TRAPPC10: variants seen among roughly 807,000 people sequenced by gnomAD.
TRAPPC10 encodes the protein trafficking protein particle complex subunit 10.
A neutral mutation model predicts 125.5 loss-of-function variants in TRAPPC10; 23 were observed. The observed-to-expected ratio is 0.18, with a 90% confidence interval of 0.13 to 0.26. The LOEUF is 0.26. TRAPPC10 is among the 10% of genes least tolerant of loss of function. The probability of loss-of-function intolerance (pLI) is 1.00; values close to 1 mark genes in which losing one functional copy is unlikely to be tolerated. For missense variants in TRAPPC10, 1,123 were observed against 1,308.4 expected, an observed-to-expected ratio of 0.86 and a Z score of 2.19; for synonymous variants, 509 against 518.0, an observed-to-expected ratio of 0.98 and a Z score of 0.24.
chr21:44,048,035 G>T (rs1008884854), intron 3 of TRAPPC10, among the ~76,000 whole-genome samples: 17 of 152,166 alleles, frequency 1.1e-4, no homozygotes, highest in Non-Finnish European at 2.1e-4. Flanking sequence ...AGTTCCTCTG[G>T]TTTTCCAGAC....
Position 44,077,800 on chromosome 21 carries a change from CT to C in TRAPPC10, c.1469+20del, listed in dbSNP as rs1405777464. ...AGTTTTACATGTAATTGATTTTGTA[CT>C]TTTCTTTGAATTCTAAACATACAAA... On this transcript the variant is annotated intron_variant, in intron 11 of 22. Coordinates refer to ENST00000291574, the MANE Select transcript of TRAPPC10 (RefSeq NM_003274.5). 6.3e-6 allele frequency: 10 copies of C among 1,578,198 alleles called. No homozygotes were observed. In the South Asian group the frequency reaches 1.1e-4, roughly 18 times the overall value.
At chr21:44,020,186 T>C (rs1326669907) in intron 1 of TRAPPC10, among the ~76,000 whole-genome samples, 1 of 151,648 alleles carries the variant, frequency 6.6e-6, no homozygotes, top group African/African-American at 2.4e-5. Context: ...AGTGGCGTGA[T>C]CTCGGCTTAC....
chr21:44,060,756 A>T (rs1024830008), intron 6 of TRAPPC10, among the ~76,000 whole-genome samples: 9 of 151,304 alleles, frequency 5.9e-5, no homozygotes, highest in African/African-American at 2.2e-4. Context: ...GCATGCCACC[A>T]TACCTGGCTA....
chr21:44,072,596 T>C (rs1247363858), intron 7 of TRAPPC10, among the ~76,000 whole-genome samples: 2 of 152,216 alleles, frequency 1.3e-5, no homozygotes, highest in African/African-American at 4.8e-5. Context: ...CTCGAGTAGC[T>C]GGGATTACAG....
chr21:44,074,998 CT>C lies in TRAPPC10; in HGVS notation c.1186-39del, dbSNP rs747569894. The C allele has an allele frequency of 5.7e-6, 8 of 1,408,236 alleles. No homozygotes were observed. The East Asian group carries it at 1.6e-4, about 28-fold the overall frequency. The allele number at this position is 1,408,236 out of a possible 1,614,324, so 87.2% of individuals were successfully genotyped here. A position where few individuals can be genotyped will look rare whatever the true frequency, so the allele number is the denominator to read the frequency against. On this transcript the variant is annotated intron_variant, in intron 8 of 22. Coordinates refer to ENST00000291574, the MANE Select transcript of TRAPPC10 (RefSeq NM_003274.5). ...TAAATTCTTGAATTCCCTGCTGACT[CT>C]TACGGCAAATTAATTGAAATTGTGG...
chr21:44,050,743 T>G (rs1887368029), intron 3 of TRAPPC10, among the ~76,000 whole-genome samples: 1 of 152,226 alleles, frequency 6.6e-6, no homozygotes, highest in African/African-American at 2.4e-5. Flanking sequence ...GGTTTTAATC[T>G]CAGTTTTCAA....
intron 8 of TRAPPC10, 114 bp downstream of exon 8, chr21:44,074,584 C>T: frequency 7.2e-7 from 1 of 1,386,018 alleles, no homozygotes; most frequent in Non-Finnish European, 9.9e-7. Context: ...CACGATGCAT[C>T]CACTTTAGTG....
intron 13 of TRAPPC10, 50 bp downstream of exon 13, chr21:44,080,177 A>T: frequency 6.7e-7 from 1 of 1,493,042 alleles, no homozygotes; most frequent in South Asian, 1.2e-5. Context: ...AATATTACAG[A>T]AGTAAAAAAG....
intron 2 of TRAPPC10, among the ~76,000 whole-genome samples, chr21:44,037,498 G>A (rs1368795927): frequency 1.3e-5 from 2 of 152,092 alleles, no homozygotes; most frequent in African/African-American, 2.4e-5. Flanking sequence ...GAAACCCACC[G>A]TCGAGTCTGT....
intron 7 of TRAPPC10, among the ~76,000 whole-genome samples, chr21:44,066,779 T>A (rs2036484997): frequency 6.6e-6 from 1 of 152,234 alleles, no homozygotes; most frequent in Admixed American, 6.5e-5. Context: ...CATCTTTGTG[T>A]GTAAATTCAT....
At position 44,082,943 on chromosome 21, in the gene TRAPPC10, G is replaced by A; in HGVS notation, c.1879G>A (p.Val627Ile). 6.2e-7 allele frequency: 1 copy of A among 1,614,088 alleles called. No individual in the cohort carries two copies. Among genetic ancestry groups the A allele is most frequent in the African/African-American group, 1.3e-5 (1 of 74,996 alleles). ...GCCTGTTCACGTGGAGCAGATTGTG[G>A]TCAATGTCCACTTCAGCATTGAGAA... Reference protein sequence around the residue: ...PVPVHVEQIVVNVHFSIEKNS... With the variant: ...PVPVHVEQIVINVHFSIEKNS... The change falls in exon 14 of 23, where the codon GTC becomes ATC. Residue 627 changes from valine (V) to isoleucine (I), a missense_variant. Physicochemically the swap from Val to Ile is conservative, Grantham distance 29. Transcript: ENST00000291574. The surrounding 1 kb of genome is among the most constrained non-coding windows in gnomAD (Gnocchi z 4.4).
Position 44,082,836 on chromosome 21 carries a change from T to C in TRAPPC10, c.1772T>C (p.Leu591Pro). ...CATTCCTTTGCACAACTGCGAGATC[T>C]CCATTTTGATCCCTCCAATGCCGTG... ...PMHSFAQLRD[L>P]HFDPSNAVVH... The change falls in exon 14 of 23, where the codon CTC becomes CCC. Residue 591 changes from leucine (L) to proline (P), a missense_variant. Leu to Pro is a moderately conservative substitution (Grantham distance 98). Coordinates refer to ENST00000291574, the MANE Select transcript of TRAPPC10 (RefSeq NM_003274.5). The surrounding 1 kb of genome is among the most constrained non-coding windows in gnomAD (Gnocchi z 4.4). 2 of 1,614,128 alleles carry C rather than the reference T, an allele frequency of 1.2e-6. No individual in the cohort carries two copies. Among genetic ancestry groups the C allele is most frequent in the South Asian group, 1.1e-5 (1 of 91,074 alleles).
At chr21:44,090,479 C>T (rs369766942) in intron 18 of TRAPPC10, among the ~76,000 whole-genome samples, 19 of 152,330 alleles carry the variant, frequency 1.2e-4, no homozygotes, top group African/African-American at 4.6e-4. Flanking sequence ...GTAGCACTCC[C>T]CACCTGCAGG....
chr21:44,037,108 A>G (rs1409545293), intron 2 of TRAPPC10, among the ~76,000 whole-genome samples: 4 of 152,198 alleles, frequency 2.6e-5, no homozygotes, highest in African/African-American at 7.2e-5. Flanking sequence ...CAGCTATAAC[A>G]TTCAGAAGAG....
At chr21:44,081,798 G>T (rs1422383719) in intron 13 of TRAPPC10, among the ~76,000 whole-genome samples, 1 of 152,176 alleles carries the variant, frequency 6.6e-6, no homozygotes, top group East Asian at 1.9e-4. Flanking sequence ...AGGATCGCTT[G>T]AGCCCAGGAG....
intron 4 of TRAPPC10, 115 bp downstream of exon 4, chr21:44,052,591 G>C: frequency 1.0e-6 from 1 of 1,004,496 alleles, no homozygotes; most frequent in Non-Finnish European, 1.4e-6. Context: ...TGTCCATGGG[G>C]TGCTGTCAAG....
At chr21:44,022,188 A>C (rs1408355750) in intron 1 of TRAPPC10, among the ~76,000 whole-genome samples, 9 of 151,558 alleles carry the variant, frequency 5.9e-5, no homozygotes. Flanking sequence ...AGCTCACTGC[A>C]ACCTCCGCCT....
chr21:44,065,292 CG>C (rs2036361269), intron 7 of TRAPPC10, among the ~76,000 whole-genome samples: 1 of 152,088 alleles, frequency 6.6e-6, no homozygotes, highest in Admixed American at 6.6e-5. Flanking sequence ...AGGAGCCATA[CG>C]GGGTCTGTTG....
rs1365537275 is a variant in TRAPPC10 at position 44,077,729 on chromosome 21, A to T, written c.1414A>T (p.Ile472Phe). The T allele has an allele frequency of 6.2e-7, 1 of 1,611,064 alleles. No homozygotes were observed. The highest frequency in any genetic ancestry group is 1.1e-5 in the South Asian group (1 of 90,508). Residue 472 changes from isoleucine (I) to phenylalanine (F), a missense_variant, in exon 11 of 23, where the codon ATT becomes TTT. Coordinates refer to ENST00000291574, the MANE Select transcript of TRAPPC10 (RefSeq NM_003274.5). ...SHATIEMYTS[I>F]GRIRSAKFVG... ...TGCCACCATTGAAATGTATACAAGC[A>T]TTGGGAGGATTCGATCTGCTAAGTT...
Sources: allele counts gnomAD v4.1 joint callset (sites outside exome capture counted in the v4.1 genomes callset), GRCh38; gene constraint gnomAD v4.1.1; non-coding constraint Gnocchi (gnomAD v3.1); transcripts MANE v1.5; gene names NCBI Gene and HGNC (gene_info 2026-07-23, HGNC 2026-07-21).